Variants in ZFP64 observed in about 807,000 individuals in gnomAD.
The protein encoded by ZFP64 is ZFP64 zinc finger protein, also known as zinc finger protein 64.
Under a neutral mutation model 51.6 loss-of-function variants are expected in ZFP64, and 14 were observed. That is an observed-to-expected ratio of 0.27 (90% confidence interval 0.18 to 0.42). The LOEUF (loss-of-function observed/expected upper bound fraction) is 0.42, where lower values mean the gene tolerates loss of function less well. Among genes scored for constraint, ZFP64 ranks in the 10% least tolerant of loss-of-function variants. The pLI is 1.00. For synonymous variants in ZFP64, 375 were observed against 361.4 expected, an observed-to-expected ratio of 1.04 and a Z score of -0.43; for missense variants, 754 against 906.8, an observed-to-expected ratio of 0.83 and a Z score of 2.16.
Position 52,151,382 on chromosome 20 carries a change from A to T in ZFP64, c.*764T>A. On this transcript the variant is annotated 3_prime_UTR_variant, in exon 6 of 6. Coordinates refer to ENST00000216923, the MANE Select transcript of ZFP64 (RefSeq NM_018197.3). Reference sequence around the variant, plus strand: ...AGTATCCATGTCATATTATGTAGAAAATGGTCCTTCATGCCAACAGACTTA... The same window carrying T: ...AGTATCCATGTCATATTATGTAGAATATGGTCCTTCATGCCAACAGACTTA... The T allele has an allele frequency of 1.0e-5, 10 of 985,410 alleles. No homozygotes were observed. The highest frequency in any genetic ancestry group is 1.2e-5 in the Non-Finnish European group (10 of 829,934). 61.0% of individuals were successfully genotyped at this position (985,410 alleles called of 1,614,324 possible).
At chr20:52,104,570 G>C (rs1338779997) in intron 5 of ZFP64, 1 of 386,012 alleles carries the variant, frequency 2.6e-6, no homozygotes, top group Non-Finnish European at 5.2e-6. Flanking sequence ...GGCCTCCGGT[G>C]ACCTCTCGGG....
chr20:52,162,064 G>A (rs1981853569), intron 4 of ZFP64, among the ~76,000 whole-genome samples: 1 of 152,086 alleles, frequency 6.6e-6, no homozygotes, highest in African/African-American at 2.4e-5. Context: ...TTGGGAGGCC[G>A]AGGCAGGCAG....
intron 5 of ZFP64, among the ~76,000 whole-genome samples, chr20:52,137,153 C>T (rs1203606481): frequency 6.6e-6 from 1 of 151,986 alleles, no homozygotes; most frequent in Admixed American, 6.6e-5. Flanking sequence ...ATTTATATAG[C>T]CATAATTTTG....
chr20:52,175,175 G>T (rs1280402310), intron 2 of ZFP64, among the ~76,000 whole-genome samples: 1 of 152,072 alleles, frequency 6.6e-6, no homozygotes, highest in African/African-American at 2.4e-5. Context: ...CAGGCTGGAG[G>T]GCAGTGGCAC....
intron 7 of ZFP64, chr20:52,089,170 T>C (rs2078896056): frequency 2.6e-6 from 1 of 384,938 alleles, no homozygotes; most frequent in African/African-American, 2.1e-5. Flanking sequence ...GTTTCATCAC[T>C]ACCCCCTAGC....
At chr20:52,109,736 G>A (rs1978447847) in intron 5 of ZFP64, among the ~76,000 whole-genome samples, 2 of 146,178 alleles carry the variant, frequency 1.4e-5, no homozygotes, top group Non-Finnish European at 3.0e-5. Context: ...AGCTGAGATC[G>A]TGCCACTGTA....
exon 8 of ZFP64, chr20:52,088,565 T>C: frequency 6.2e-7 from 1 of 1,614,228 alleles, no homozygotes; most frequent in Non-Finnish European, 8.5e-7. Flanking sequence ...CACACTGGTG[T>C]GGCACCGCAT....
At chr20:52,164,622 G>T in intron 4 of ZFP64, 73 bp downstream of exon 4, 2 of 1,284,136 alleles carry the variant, frequency 1.6e-6, no homozygotes, top group Non-Finnish European at 2.3e-6. Flanking sequence ...TCATTCGTCT[G>T]ACCTATGTGG....
chr20:52,132,171 A>C (rs1382665146), intron 5 of ZFP64, among the ~76,000 whole-genome samples: 1 of 152,176 alleles, frequency 6.6e-6, no homozygotes, highest in African/African-American at 2.4e-5. Flanking sequence ...TTCTGAGACA[A>C]ATGATAATGG....
chr20:52,176,060 TG>T (rs1441605317), intron 2 of ZFP64: 1 of 701,350 alleles, frequency 1.4e-6, no homozygotes, highest in Non-Finnish European at 1.8e-6. Context: ...ATTGGTGCAG[TG>T]GAAGACACCT....
chr20:52,166,154 T>C (rs1436545662), intron 2 of ZFP64, 129 bp from the exon 3 acceptor site: 4 of 902,512 alleles, frequency 4.4e-6, no homozygotes, highest in Non-Finnish European at 6.5e-6. Flanking sequence ...GGCTTCACAG[T>C]GATCATGTGA....
chr20:52,152,737 C>T lies in ZFP64; in HGVS notation c.1455G>A (p.Gln485=). 1 of 1,580,086 alleles carries T rather than the reference C, an allele frequency of 6.3e-7. No individual in the cohort carries two copies. Residue 485 remains glutamine, a synonymous_variant, in exon 6 of 6, where the codon CAG becomes CAA. Coordinates refer to ENST00000216923, the MANE Select transcript of ZFP64 (RefSeq NM_018197.3). ...LTVGHLQVPL[Q]PSQVPQFSEG... ...CGCTGAACTGGGGCACTTGGCTGGG[C>T]TGGAGGGGCACCTGGAGGTGTCCCA...
In ZFP64 at chr20:52,153,002, A is replaced by T. The variant is rs777657393; in HGVS notation, c.1190T>A (p.Met397Lys). 9 of 1,613,776 alleles carry T rather than the reference A, an allele frequency of 5.6e-6. No individual in the cohort carries two copies. Among genetic ancestry groups the T allele is most frequent in the Non-Finnish European group, 7.6e-6 (9 of 1,180,036 alleles). Residue 397 changes from methionine to lysine, a missense_variant, in exon 6 of 6, where the codon ATG becomes AAG. This residue lies in a region of ZFP64 where 428 missense variants were observed against 472.4 expected (regional missense o/e 0.91). Coordinates refer to ENST00000216923, the MANE Select transcript of ZFP64 (RefSeq NM_018197.3). This position sits in a 1 kb window ranked among gnomAD's most constrained non-coding sequence, Gnocchi z 5.1. ...SKHMKKFHGD[M>K]VKTEALERKD... ...CCTCTCTAGAGCCTCAGTCTTAACC[A>T]TGTCCCCATGGAACTTCTTCATGTG...
At chr20:52,089,858 GGGGAAGGCTGTGCATGCGCAGGAGCA>G (rs1463962667) in intron 7 of ZFP64, among the ~76,000 whole-genome samples, 2 of 152,166 alleles carry the variant, frequency 1.3e-5, no homozygotes, top group Non-Finnish European at 2.9e-5. Context: ...TGTTGGTAAT[GGGGAAGGCTGTGCATGCGCAGGAGCA>G]GGGAGCATGT....
intron 5 of ZFP64, chr20:52,110,872 A>C: frequency 6.2e-7 from 1 of 1,610,142 alleles, no homozygotes; most frequent in Non-Finnish European, 8.5e-7. Flanking sequence ...CTCTGCCACC[A>C]AGAGATCATC....
chr20:52,153,143 T>C lies in ZFP64; in HGVS notation c.1049A>G (p.Tyr350Cys). The C allele has an allele frequency of 6.2e-7, 1 of 1,613,952 alleles. No individual in the cohort carries two copies. Residue 350 changes from tyrosine (Y) to cysteine (C), a missense_variant, in exon 6 of 6, where the codon TAC becomes TGC. By Grantham distance (194) the Tyr-to-Cys change is radical. Transcript: ENST00000216923. This position sits in a 1 kb window ranked among gnomAD's most constrained non-coding sequence, Gnocchi z 5.1. ...EHPEKCSECSYSCSSKAALRI... is the reference protein window; with the variant it reads ...EHPEKCSECSCSCSSKAALRI... ...CAGGGCGGCCTTGCTGGAGCAGGAG[T>C]AGCTGCATTCCGAGCACTTCTCAGG...
At chr20:52,111,062 G>C in intron 5 of ZFP64, 3 of 1,236,536 alleles carry the variant, frequency 2.4e-6, no homozygotes, top group East Asian at 4.8e-5. Flanking sequence ...GGAGCGGAGA[G>C]GAGCAGGAAG....
intron 5 of ZFP64, chr20:52,117,808 A>G: frequency 5.0e-6 from 2 of 400,994 alleles, no homozygotes; most frequent in South Asian, 3.7e-5. Flanking sequence ...TCTTTTTGAG[A>G]TGGAGTCTCC....
intron 5 of ZFP64, among the ~76,000 whole-genome samples, chr20:52,112,918 G>A (rs1978671235): frequency 6.6e-6 from 1 of 151,862 alleles, no homozygotes; most frequent in African/African-American, 2.4e-5. Context: ...TGCCTGGCTG[G>A]GTTCTCCTTC....
Sources: gnomAD v4.1 joint callset for allele counts (sites outside exome capture counted in the v4.1 genomes callset) on GRCh38, gnomAD v4.1.1 for gene constraint, gnomAD v4.1.1 regional missense constraint, Gnocchi (gnomAD v3.1) non-coding constraint, MANE v1.5 for transcripts, NCBI Gene and HGNC (gene_info 2026-07-23, HGNC 2026-07-21) for gene names.